Variants in SYBU observed in about 807,000 individuals in gnomAD.
SYBU encodes the protein GOLSYN A protein.
In SYBU, 21 loss-of-function variants were observed where a neutral mutation model predicts 35.9. That is an observed-to-expected ratio of 0.58 (90% CI 0.41 to 0.84). SYBU has a LOEUF of 0.84. SYBU is among the 40% of genes least tolerant of loss of function. The pLI, the probability that SYBU is intolerant of heterozygous loss-of-function variation, is 0.00. For missense variants in SYBU, 768 were observed against 848.2 expected (o/e 0.91, Z 1.17); for synonymous variants, 319 against 324.3 (o/e 0.98, Z 0.18).
intron 4 of SYBU, among the ~76,000 whole-genome samples, chr8:109,585,231 C>G (rs1823478965): frequency 6.6e-6 from 1 of 152,214 alleles, no homozygotes; most frequent in East Asian, 1.9e-4. Context: ...GGCTTACAGT[C>G]CCTCCCACTG....
chr8:109,582,668 C>T (rs1428097461), intron 4 of SYBU, among the ~76,000 whole-genome samples: 2 of 152,160 alleles, frequency 1.3e-5, no homozygotes, highest in African/African-American at 2.4e-5. Flanking sequence ...TCATCATCAT[C>T]ATCACCATCA....
intron 2 of SYBU, among the ~76,000 whole-genome samples, chr8:109,632,422 A>T (rs944521954): frequency 3.3e-5 from 5 of 152,194 alleles, no homozygotes; most frequent in African/African-American, 1.2e-4. Context: ...AATTAAAGTG[A>T]GTTGTCTTGT....
chr8:109,671,308 A>T (rs1167988889), intron 1 of SYBU, among the ~76,000 whole-genome samples: 2 of 152,112 alleles, frequency 1.3e-5, no homozygotes, highest in Non-Finnish European at 2.9e-5. Context: ...TGCATATTTC[A>T]TAAGCTTCTT....
At chr8:109,616,853 G>A (rs1464826476) in intron 3 of SYBU, among the ~76,000 whole-genome samples, 1 of 151,980 alleles carries the variant, frequency 6.6e-6, no homozygotes, top group Non-Finnish European at 1.5e-5. Flanking sequence ...AAAAGAGGAT[G>A]GTAGGGCCAG....
chr8:109,578,505 A>G (rs370792696), intron 5 of SYBU, among the ~76,000 whole-genome samples: 1 of 152,328 alleles, frequency 6.6e-6, no homozygotes, highest in African/African-American at 2.4e-5. Flanking sequence ...AACCTCAATA[A>G]TGGGTGACCT....
At chr8:109,595,061 C>CA (rs141793743) in intron 3 of SYBU, among the ~76,000 whole-genome samples, 3,126 of 152,166 alleles carry the variant, frequency 0.021, 116 homozygotes, top group African/African-American at 0.071. Flanking sequence ...ATAGTGCTGG[C>CA]ACTCAGTAAG....
intron 3 of SYBU, among the ~76,000 whole-genome samples, chr8:109,602,138 A>G (rs1825602448): frequency 6.6e-6 from 1 of 152,208 alleles, no homozygotes; most frequent in Non-Finnish European, 1.5e-5. Context: ...AAATCATTTG[A>G]CACTCCAGAT....
intron 2 of SYBU, 71 bp from the exon 3 acceptor site, chr8:109,619,110 C>T: frequency 8.4e-7 from 1 of 1,191,234 alleles, no homozygotes; most frequent in Non-Finnish European, 1.2e-6. Flanking sequence ...CCATGCGGTG[C>T]ACCACACACA....
intron 1 of SYBU, among the ~76,000 whole-genome samples, chr8:109,670,587 G>A (rs1816944219): frequency 6.6e-6 from 1 of 152,010 alleles, no homozygotes; most frequent in Non-Finnish European, 1.5e-5. Flanking sequence ...TAAGGCTATT[G>A]TGTAATAATT....
Position 109,691,361 on chromosome 8 carries a change from G to A in SYBU, c.-86C>T, listed in dbSNP as rs1001104675. Reference sequence around the variant, plus strand: ...TTCTCGCCCAGAAGGGCCCCATCGCGCTGTCCAGGAGGAGGCACCTACGTG... The same window carrying A: ...TTCTCGCCCAGAAGGGCCCCATCGCACTGTCCAGGAGGAGGCACCTACGTG... On this transcript the variant is annotated 5_prime_UTR_variant, in exon 1 of 8. Transcript: ENST00000422135. This position sits in a 1 kb window ranked among gnomAD's most constrained non-coding sequence, Gnocchi z 4.7. 2 of 701,632 alleles carry A rather than the reference G, an allele frequency of 2.9e-6. No homozygotes were observed. The highest frequency in any genetic ancestry group is 2.0e-5 in the Admixed American group (1 of 49,904). The allele number at this position is 701,632 out of a possible 1,614,324, so 43.5% of individuals were successfully genotyped here. A position where few individuals can be genotyped will look rare whatever the true frequency, so the allele number is the denominator to read the frequency against.
intron 3 of SYBU, among the ~76,000 whole-genome samples, chr8:109,594,846 C>T (rs1172171325): frequency 6.6e-6 from 1 of 152,206 alleles, no homozygotes. Context: ...CTCTTTCTCA[C>T]TTGTACTTTC....
chr8:109,621,536 T>C (rs1045865659), intron 2 of SYBU, among the ~76,000 whole-genome samples: 28 of 152,182 alleles, frequency 1.8e-4, no homozygotes, highest in African/African-American at 6.5e-4. Context: ...ATATGGTGTG[T>C]GTTGGGGGGG....
At chr8:109,676,003 G>A (rs189123433) in intron 1 of SYBU, among the ~76,000 whole-genome samples, 247 of 152,188 alleles carry the variant, frequency 1.6e-3, no homozygotes, top group African/African-American at 5.0e-3. Flanking sequence ...ATCAATAAAC[G>A]TAATCCATCA....
chr8:109,683,725 A>G (rs1817457089), upstream of SYBU, among the ~76,000 whole-genome samples: 1 of 152,138 alleles, frequency 6.6e-6, no homozygotes, highest in African/African-American at 2.4e-5. Flanking sequence ...TCCGTCGCTC[A>G]AATCCTAACT....
At chr8:109,631,611 G>A (rs1284366277) in intron 2 of SYBU, among the ~76,000 whole-genome samples, 1 of 152,128 alleles carries the variant, frequency 6.6e-6, no homozygotes, top group African/African-American at 2.4e-5. Context: ...AGCAGCCCCT[G>A]AAGCAGGAAT....
At chr8:109,609,290 T>G (rs1198418841) in intron 3 of SYBU, among the ~76,000 whole-genome samples, 3 of 152,184 alleles carry the variant, frequency 2.0e-5, no homozygotes, top group Non-Finnish European at 4.4e-5. Flanking sequence ...AGTGCTAATT[T>G]TGCTTCCCTT....
At chr8:109,676,251 A>G (rs1269393514) in intron 1 of SYBU, among the ~76,000 whole-genome samples, 3 of 152,186 alleles carry the variant, frequency 2.0e-5, no homozygotes, top group Non-Finnish European at 4.4e-5. Flanking sequence ...CTCCGTCATC[A>G]CTCCTATTCA....
At chr8:109,594,613 C>T (rs546895661) in intron 3 of SYBU, among the ~76,000 whole-genome samples, 2 of 152,290 alleles carry the variant, frequency 1.3e-5, no homozygotes, top group South Asian at 4.1e-4. Context: ...TGTGTGACAA[C>T]TTCCAGGGCA....
At chr8:109,641,431 G>A (rs1474551508) in intron 2 of SYBU, among the ~76,000 whole-genome samples, 3 of 152,204 alleles carry the variant, frequency 2.0e-5, no homozygotes, top group Non-Finnish European at 4.4e-5. Context: ...ACTCTACAAG[G>A]CAAGTATTAT....
Sources: allele counts gnomAD v4.1 joint callset (sites outside exome capture counted in the v4.1 genomes callset), GRCh38; gene constraint gnomAD v4.1.1; non-coding constraint Gnocchi (gnomAD v3.1); transcripts MANE v1.5; gene names NCBI Gene and HGNC (gene_info 2026-07-23, HGNC 2026-07-21).